The following PLAC1 variants were observed in gnomAD, a reference collection of about 807,000 sequenced individuals.
The protein encoded by PLAC1 is placenta-specific protein 1.
For synonymous variants in PLAC1, 68 were observed against 62.1 expected (o/e 1.09, Z -0.44); for missense variants, 136 against 163.2 (o/e 0.83, Z 0.91).
intron 2 of PLAC1, among the ~76,000 whole-genome samples, chrX:134,590,204 T>TAAAC (rs1351074217): frequency 9.1e-6 from 1 of 109,598 alleles, no homozygotes; most frequent in Non-Finnish European, 1.9e-5. Context: ...CAAAAATAAA[T>TAAAC]AAATAAATAA....
chrX:134,680,604 T>TAAACAAAACA (rs746073865), intron 2 of PLAC1, among the ~76,000 whole-genome samples: 2 of 102,631 alleles, frequency 1.9e-5, no homozygotes, highest in Non-Finnish European at 4.1e-5. Context: ...TAAACTAAAC[T>TAAACAAAACA]AAACACCTTC....
intron 2 of PLAC1, among the ~76,000 whole-genome samples, chrX:134,677,537 C>A (rs2078479576): frequency 9.0e-6 from 1 of 111,019 alleles, no homozygotes; most frequent in Admixed American, 9.5e-5. Flanking sequence ...ATATTACCAC[C>A]TAGAGGAACA....
intron 1 of PLAC1, among the ~76,000 whole-genome samples, chrX:134,748,249 G>C (rs2078733474): frequency 9.3e-6 from 1 of 107,732 alleles, no homozygotes; most frequent in Non-Finnish European, 1.9e-5. Context: ...AGAATCACTT[G>C]AACCCGGGAG....
chrX:134,594,091 G>A (rs184264189), intron 2 of PLAC1, among the ~76,000 whole-genome samples: 344 of 111,087 alleles, frequency 3.1e-3, no homozygotes, highest in Middle Eastern at 0.019. Context: ...TCTATTCCCT[G>A]TTTGCTGAGA....
At position 134,666,616 on chromosome X, in the gene PLAC1, T is replaced by C. The variant is rs142724502; in HGVS notation, n.175-64494A>G. 3.5e-3 allele frequency among the ~76,000 whole-genome samples: 387 copies of C among 111,789 alleles called. 4 individuals are homozygous for C. Among genetic ancestry groups the C allele is most frequent in the Admixed American group, 0.032 (339 of 10,533 alleles). ...CAGAAAGAGGAATGGAGGTCTACACTGAAGCCTAACTTTCCAGAGAAAGGA... is the reference window on the plus strand; with the variant it reads ...CAGAAAGAGGAATGGAGGTCTACACCGAAGCCTAACTTTCCAGAGAAAGGA... On this transcript the variant is annotated intron_variant and non_coding_transcript_variant, in intron 2 of 2. Coordinates refer to the PLAC1 transcript ENST00000466797.
At chrX:134,670,658 C>G (rs886561419) in intron 2 of PLAC1, among the ~76,000 whole-genome samples, 4 of 111,866 alleles carry the variant, frequency 3.6e-5, no homozygotes, top group African/African-American at 1.3e-4. Context: ...CACAGAATGA[C>G]TGGTCATTTT....
chrX:134,701,688 A>T (rs2078583611), intron 2 of PLAC1, among the ~76,000 whole-genome samples: 1 of 112,023 alleles, frequency 8.9e-6, no homozygotes, highest in Non-Finnish European at 1.9e-5. Context: ...TCGAAAAAAT[A>T]CTCCACGTCA....
chrX:134,680,673 G>A (rs180927924), intron 2 of PLAC1, among the ~76,000 whole-genome samples: 1 of 111,847 alleles, frequency 8.9e-6, no homozygotes, highest in Admixed American at 9.5e-5. Context: ...CCAGCTAAGG[G>A]TTTGGAAAAT....
intron 1 of PLAC1, among the ~76,000 whole-genome samples, chrX:134,763,269 G>C (rs1305532959): frequency 8.9e-6 from 1 of 111,987 alleles, no homozygotes; most frequent in Non-Finnish European, 1.9e-5. Flanking sequence ...CAGTAGTCAT[G>C]AGGGGAACTA....
chrX:134,682,008 T>C (rs2078498788), intron 2 of PLAC1, among the ~76,000 whole-genome samples: 1 of 111,861 alleles, frequency 8.9e-6, no homozygotes, highest in African/African-American at 3.3e-5. Flanking sequence ...ATTGTAGGCT[T>C]ATTTATTATT....
In PLAC1 at chrX:134,590,216, T is replaced by TAATA. The variant is rs1556049833; in HGVS notation, c.-59+11831_-59+11834dup. Among the ~76,000 whole-genome samples the TAATA allele has an allele frequency of 2.1e-3, 224 of 107,173 alleles. 1 individual carries two copies. The highest frequency in any genetic ancestry group is 6.8e-3 in the African/African-American group (205 of 30,221). 93.1% of individuals were successfully genotyped at this position (107,173 alleles called of 115,157 possible). Reference sequence around the variant, plus strand: ...TCTCAAAAATAAATAAATAAATAAATAATAAATAAATAAATTAAAAATGAA... The same window carrying TAATA: ...TCTCAAAAATAAATAAATAAATAAATAATAAATAAATAAATAAATTAAAAATGAA... On this transcript the variant is annotated intron_variant, in intron 2 of 2. Transcript: ENST00000359237.
intron 1 of PLAC1, among the ~76,000 whole-genome samples, chrX:134,740,410 G>A (rs903479173): frequency 4.5e-5 from 5 of 111,120 alleles, no homozygotes; most frequent in Non-Finnish European, 7.5e-5. Flanking sequence ...GATCTCATGA[G>A]CATGATGTTA....
At position 134,581,359 on chromosome X, in the gene PLAC1, G is replaced by A. The variant is rs750749415; in HGVS notation, c.-58-14619C>T. 1.8e-4 allele frequency among the ~76,000 whole-genome samples: 20 copies of A among 110,840 alleles called. No homozygotes were observed. In the East Asian group the frequency reaches 4.2e-3, roughly 23 times the overall value. On this transcript the variant is annotated intron_variant, in intron 2 of 2. Transcript: ENST00000359237. Reference sequence around the variant, plus strand: ...GTGGGGGGCACTTACTGAGTTTGAAGAAAGCAGCAGGGTGAAAGCGCCCTT... The same window carrying A: ...GTGGGGGGCACTTACTGAGTTTGAAAAAAGCAGCAGGGTGAAAGCGCCCTT...
In PLAC1 at chrX:134,734,726, T is replaced by G. The variant is rs2147844772; in HGVS notation, n.90-1207A>C. ...AATATATTCACAAAACACCCACATC[T>G]CTGTCCATGCTATAAATCAGGGTGG... On this transcript the variant is annotated intron_variant and non_coding_transcript_variant, in intron 1 of 2. Coordinates refer to the PLAC1 transcript ENST00000466797. Among the ~76,000 whole-genome samples, 2 of 111,235 alleles carry G rather than the reference T, an allele frequency of 1.8e-5. 1 individual carries two copies. The highest frequency in any genetic ancestry group is 7.7e-4 in the South Asian group (2 of 2,595).
chrX:134,609,663 G>T (rs926655592), intron 1 of PLAC1, among the ~76,000 whole-genome samples: 2 of 111,813 alleles, frequency 1.8e-5, no homozygotes, highest in Non-Finnish European at 3.8e-5. Context: ...GAAAGTCCAA[G>T]ATCAAGGTGT....
rs192896195 is a variant in PLAC1 at position 134,586,987 on chromosome X, C to T, written c.-59+15064G>A. ...TGCTGGGATTACAGGCATGAGACAC[C>T]GCGCCCAGCCCACATTAACATTTAT... On this transcript the variant is annotated intron_variant, in intron 2 of 2. Coordinates refer to ENST00000359237, the MANE Select transcript of PLAC1 (RefSeq NM_021796.4). Among the ~76,000 whole-genome samples the T allele has an allele frequency of 2.2e-3, 239 of 109,811 alleles. 1 individual carries two copies. Among genetic ancestry groups the T allele is most frequent in the African/African-American group, 7.3e-3 (219 of 30,206 alleles).
intron 2 of PLAC1, among the ~76,000 whole-genome samples, chrX:134,586,806 G>C (rs555331967): frequency 1.9e-5 from 2 of 104,630 alleles, no homozygotes; most frequent in South Asian, 9.2e-4. Context: ...GAGTAGCTGG[G>C]ACTACAGGTG....
At chrX:134,595,968 G>A (rs1160267655) in intron 2 of PLAC1, among the ~76,000 whole-genome samples, 1 of 110,718 alleles carries the variant, frequency 9.0e-6, no homozygotes, top group Non-Finnish European at 1.9e-5. Context: ...GGGGAATATT[G>A]TAACATTTTG....
intron 2 of PLAC1, among the ~76,000 whole-genome samples, chrX:134,571,799 A>C (rs191988424): frequency 8.9e-6 from 1 of 111,879 alleles, no homozygotes; most frequent in Admixed American, 9.5e-5. Flanking sequence ...CGTTAGAGAC[A>C]CGTATGAACT....
Sources: allele counts gnomAD v4.1 joint callset (sites outside exome capture counted in the v4.1 genomes callset), GRCh38; gene constraint gnomAD v4.1.1; transcripts MANE v1.5; gene names NCBI Gene and HGNC (gene_info 2026-07-23, HGNC 2026-07-21).